The following BST1 variants were observed in gnomAD, a reference collection of about 807,000 sequenced individuals.
The protein encoded by BST1 is ADP-ribosyl cyclase/cyclic ADP-ribose hydrolase 2.
In BST1, 49 loss-of-function variants were observed where a neutral mutation model predicts 40.6. The ratio of observed to expected loss-of-function variants is 1.21; its 90% confidence interval spans 0.96 to 1.53. The LOEUF (loss-of-function observed/expected upper bound fraction) is 1.53. BST1 is among the 40% of genes most tolerant of loss of function. The pLI is 0.00. For missense variants in BST1, 423 were observed against 395.9 expected (o/e 1.07, Z -0.58); for synonymous variants, 157 against 159.3 (o/e 0.99, Z 0.11).
the BST1 span, among the ~76,000 whole-genome samples, chr4:15,757,846 T>C: frequency 1.3e-5 from 2 of 152,086 alleles, no homozygotes; most frequent in African/African-American, 4.8e-5. Flanking sequence ...TTCTCCATGT[T>C]GATCAGGCTG....
At chr4:15,729,696 C>T (rs757951297) in intron 8 of BST1, among the ~76,000 whole-genome samples, 1 of 152,046 alleles carries the variant, frequency 6.6e-6, no homozygotes, top group Non-Finnish European at 1.5e-5. Flanking sequence ...AGTGCAGTTA[C>T]CCCCTCAAGT....
downstream of BST1, among the ~76,000 whole-genome samples, chr4:15,742,672 A>G (rs78706553): frequency 4.0e-3 from 612 of 152,362 alleles, 10 homozygotes; most frequent in African/African-American, 0.014. Flanking sequence ...TTGGGAGGTA[A>G]TAAACTACCT....
intron 4 of BST1, among the ~76,000 whole-genome samples, chr4:15,712,838 C>T (rs965191873): frequency 1.3e-5 from 2 of 152,202 alleles, no homozygotes; most frequent in African/African-American, 4.8e-5. Flanking sequence ...AGCACAGACT[C>T]CAGTCAGTTG....
intron 7 of BST1, among the ~76,000 whole-genome samples, chr4:15,719,618 T>C (rs1720700705): frequency 6.6e-6 from 1 of 152,226 alleles, no homozygotes; most frequent in Non-Finnish European, 1.5e-5. Context: ...GTGGACCTGC[T>C]GATTCTGCAA....
chr4:15,765,521 C>T, the BST1 span, among the ~76,000 whole-genome samples: 1 of 151,958 alleles, frequency 6.6e-6, no homozygotes, highest in Non-Finnish European at 1.5e-5. Context: ...TCTTGTGCAC[C>T]AGCGCCTGCC....
At chr4:15,728,567 C>T (rs189458693) in intron 8 of BST1, among the ~76,000 whole-genome samples, 2 of 150,540 alleles carry the variant, frequency 1.3e-5, no homozygotes, top group Admixed American at 6.6e-5. Flanking sequence ...ATCCTCCTGC[C>T]TCATCCTTTC....
chr4:15,715,891 G>A, intron 6 of BST1, 92 bp downstream of exon 6: 1 of 959,174 alleles, frequency 1.0e-6, no homozygotes, highest in South Asian at 2.1e-5. Context: ...TTCAGTTTAG[G>A]GGAAATGACA....
intron 8 of BST1, chr4:15,731,456 G>T: frequency 1.3e-6 from 1 of 778,836 alleles, no homozygotes; most frequent in Non-Finnish European, 2.2e-6. Context: ...GGCAGGGAGT[G>T]GACTTAAGCC....
chr4:15,752,712 G>A, the BST1 span, among the ~76,000 whole-genome samples: 1 of 152,070 alleles, frequency 6.6e-6, no homozygotes, highest in Admixed American at 6.5e-5. Flanking sequence ...AGGCCCCGTG[G>A]TAGCCATGTG....
Position 15,714,922 on chromosome 4 carries a change from T to A in BST1, c.535-363T>A, listed in dbSNP as rs1292489077. Among the ~76,000 whole-genome samples, 8 of 152,336 alleles carry A rather than the reference T, an allele frequency of 5.3e-5. No individual in the cohort carries two copies. In the East Asian group the frequency reaches 1.5e-3, roughly 29 times the overall value. ...ACTTGAAACAAAACCCCAGTGGGCC[T>A]GTGATAAACATGTAGTGTGAGCATG... On this transcript the variant is annotated intron_variant, in intron 4 of 8. Transcript: ENST00000265016.
chr4:15,703,717 GGT>G lies in BST1; in HGVS notation c.188+403_188+404del, dbSNP rs777541148. Among the ~76,000 whole-genome samples, 397 of 127,712 alleles carry G rather than the reference GGT, an allele frequency of 3.1e-3. 3 individuals are homozygous for G. The highest frequency in any genetic ancestry group is 9.7e-3 in the African/African-American group (318 of 32,788). The allele number at this position is 127,712 out of a possible 152,430, so 83.8% of individuals were successfully genotyped here. A position where few individuals can be genotyped will look rare whatever the true frequency, so the allele number is the denominator to read the frequency against. On this transcript the variant is annotated intron_variant, in intron 1 of 8. Coordinates refer to ENST00000265016, the MANE Select transcript of BST1 (RefSeq NM_004334.3). ...TGTGTGTGTGTGCTCTAGAGGTGGG[GGT>G]GTGTGTGTGTGTGTGTGCTCTAGAG... is the stretch of plus-strand genomic sequence containing the variant.
the BST1 span, among the ~76,000 whole-genome samples, chr4:15,768,523 G>C: frequency 8.4e-6 from 1 of 118,490 alleles, no homozygotes; most frequent in Non-Finnish European, 1.6e-5. Context: ...GTCTCACTCT[G>C]TCACCCAGGC....
At chr4:15,755,991 A>G in the BST1 span, among the ~76,000 whole-genome samples, 1 of 152,230 alleles carries the variant, frequency 6.6e-6, no homozygotes, top group Non-Finnish European at 1.5e-5. Context: ...TAAGGTTCTC[A>G]AGGTGGTGAC....
chr4:15,753,473 A>T, the BST1 span, among the ~76,000 whole-genome samples: 2 of 152,216 alleles, frequency 1.3e-5, no homozygotes, highest in Admixed American at 6.5e-5. Flanking sequence ...CGATCGCGCC[A>T]GTGGGTGTCC....
At chr4:15,762,129 C>T in the BST1 span, among the ~76,000 whole-genome samples, 2 of 125,102 alleles carry the variant, frequency 1.6e-5, no homozygotes, top group African/African-American at 6.1e-5. Context: ...GAAGAGGTTG[C>T]GGTGAGCCGA....
At chr4:15,735,973 G>A, downstream of BST1, 2 of 834,932 alleles carry the variant, frequency 2.4e-6, no homozygotes, top group South Asian at 1.5e-5. Flanking sequence ...TTAGGAAGAA[G>A]GCAAATCTCA....
the BST1 span, among the ~76,000 whole-genome samples, chr4:15,757,790 C>T: frequency 3.3e-5 from 5 of 152,120 alleles, no homozygotes; most frequent in East Asian, 3.8e-4. Flanking sequence ...TACAGGCATG[C>T]GCCACCACAC....
chr4:15,715,792 C>T lies in BST1; in HGVS notation c.697C>T (p.Pro233Ser), dbSNP rs1038497125. The T allele has an allele frequency of 4.4e-6, 7 of 1,580,346 alleles. No individual in the cohort carries two copies. The highest frequency in any genetic ancestry group is 1.4e-5 in the African/African-American group (1 of 73,132). The change falls in exon 6 of 9, where the codon CCC becomes TCC. Residue 233 changes from proline to serine, a missense_variant. Physicochemically the swap from Pro to Ser is moderately conservative, Grantham distance 74. Coordinates refer to ENST00000265016, the MANE Select transcript of BST1 (RefSeq NM_004334.3). Reference sequence around the variant, plus strand: ...CTGGGTTATGCATGAAATTGGGGGACCCAATGTGTAAGTTATGGTGATATT... The same window carrying T: ...CTGGGTTATGCATGAAATTGGGGGATCCAATGTGTAAGTTATGGTGATATT... ...EIWVMHEIGG[P>S]NVESCGEGSM...
chr4:15,707,644 C>G lies in BST1; in HGVS notation c.449C>G (p.Ser150Cys). 6.2e-7 allele frequency: 1 copy of G among 1,613,946 alleles called. No homozygotes were observed. The highest frequency in any genetic ancestry group is 8.5e-7 in the Non-Finnish European group (1 of 1,179,956). ...FLSWCRQKND[S>C]GLDYQSCPTS... ...AGCTGGTGTCGACAGAAAAATGACT[C>G]TGGTAAGACTCCTGCACAAATCACA... Residue 150 changes from serine to cysteine, a missense_variant and splice_region_variant, in exon 3 of 9, where the codon TCT becomes TGT. Transcript: ENST00000265016.
Sources: allele counts gnomAD v4.1 joint callset (sites outside exome capture counted in the v4.1 genomes callset), GRCh38; gene constraint gnomAD v4.1.1; transcripts MANE v1.5; gene names NCBI Gene and HGNC (gene_info 2026-07-23, HGNC 2026-07-21).